Variants in COLEC10 observed in about 807,000 individuals in gnomAD.
COLEC10 encodes collectin-10.
A neutral mutation model predicts 28.4 loss-of-function variants in COLEC10; 22 were observed. That is an observed-to-expected ratio of 0.78 (90% confidence interval 0.55 to 1.11). COLEC10 has a LOEUF of 1.11. Among genes scored for constraint, COLEC10 ranks in the 50% least tolerant of loss-of-function variants. The pLI is 0.00. For missense variants in COLEC10, 361 were observed against 344.1 expected (o/e 1.05, Z -0.39); for synonymous variants, 125 against 116.1 (o/e 1.08, Z -0.49).
In COLEC10 at chr8:119,038,740, C is replaced by G. The variant is rs145916737; in HGVS notation, n.235+29187C>G. Among the ~76,000 whole-genome samples the G allele has an allele frequency of 3.2e-3, 487 of 152,236 alleles. 1 individual carries two copies. The highest frequency in any genetic ancestry group is 0.011 in the African/African-American group (451 of 41,550). ...GAAGTTCCCTCTTTTGGAACAATTGCCAGTATTTCATTCACAAGTGAACCT... is the reference window on the plus strand; with the variant it reads ...GAAGTTCCCTCTTTTGGAACAATTGGCAGTATTTCATTCACAAGTGAACCT... On this transcript the variant is annotated intron_variant and non_coding_transcript_variant, in intron 2 of 6. Coordinates refer to the COLEC10 transcript ENST00000521788.
At chr8:118,976,249 T>C in the COLEC10 span, among the ~76,000 whole-genome samples, 1 of 152,066 alleles carries the variant, frequency 6.6e-6, no homozygotes, top group East Asian at 1.9e-4. Flanking sequence ...GTTTTGAACA[T>C]TTAGTTGCAA....
At chr8:118,974,489 A>G in the COLEC10 span, among the ~76,000 whole-genome samples, 2 of 151,956 alleles carry the variant, frequency 1.3e-5, no homozygotes, top group African/African-American at 4.8e-5. Context: ...AAGGACATTC[A>G]GTTACCTTTA....
At chr8:118,999,766 T>C (rs1364274921) in intron 1 of COLEC10, among the ~76,000 whole-genome samples, 1 of 152,150 alleles carries the variant, frequency 6.6e-6, no homozygotes, top group African/African-American at 2.4e-5. Context: ...GACAAAATAT[T>C]GACCATTTGC....
chr8:119,032,171 C>A (rs1312748627), intron 2 of COLEC10, among the ~76,000 whole-genome samples: 1 of 152,176 alleles, frequency 6.6e-6, no homozygotes, highest in South Asian at 2.1e-4. Context: ...GTCTTTTACA[C>A]TCCTAACTTA....
chr8:119,079,020 C>T (rs1815312268), intron 1 of COLEC10, among the ~76,000 whole-genome samples: 2 of 151,046 alleles, frequency 1.3e-5, no homozygotes, highest in Non-Finnish European at 3.0e-5. Context: ...CACACACACA[C>T]ACACACACAC....
At chr8:119,031,495 A>C (rs1210623273) in intron 2 of COLEC10, among the ~76,000 whole-genome samples, 1 of 152,242 alleles carries the variant, frequency 6.6e-6, no homozygotes, top group Non-Finnish European at 1.5e-5. Flanking sequence ...CTGAGTCTTG[A>C]AGAACAAGTA....
At chr8:118,966,401 A>G in the COLEC10 span, among the ~76,000 whole-genome samples, 21 of 152,190 alleles carry the variant, frequency 1.4e-4, no homozygotes, top group South Asian at 2.1e-4. Context: ...CAACAACGAA[A>G]AGAATATTAC....
upstream of COLEC10, among the ~76,000 whole-genome samples, chr8:119,065,839 C>CA (rs1207561224): frequency 2.1e-5 from 3 of 143,932 alleles, no homozygotes; most frequent in Non-Finnish European, 4.5e-5. Flanking sequence ...GCCTGGGCAA[C>CA]AGCGAGACTC....
chr8:118,964,674 G>T, the COLEC10 span, among the ~76,000 whole-genome samples: 1 of 152,156 alleles, frequency 6.6e-6, no homozygotes, highest in Non-Finnish European at 1.5e-5. Context: ...ATACTTTGAT[G>T]ATTTCAATAT....
chr8:119,058,955 G>A (rs60979638), intron 2 of COLEC10, among the ~76,000 whole-genome samples: 4,777 of 152,050 alleles, frequency 0.031, 127 homozygotes, highest in African/African-American at 0.069. Context: ...ATTATGGCCA[G>A]TCTTACCTAT....
At chr8:119,032,422 GA>G (rs1814304965) in intron 2 of COLEC10, among the ~76,000 whole-genome samples, 2 of 152,158 alleles carry the variant, frequency 1.3e-5, no homozygotes, top group African/African-American at 2.4e-5. Flanking sequence ...TCACCAAAAG[GA>G]AAACAGTCAC....
chr8:119,030,876 C>T (rs1814275141), intron 2 of COLEC10, among the ~76,000 whole-genome samples: 2 of 152,112 alleles, frequency 1.3e-5, no homozygotes, highest in Non-Finnish European at 2.9e-5. Flanking sequence ...ATTATCCATC[C>T]TGTATTTTAT....
chr8:118,958,373 T>A, the COLEC10 span, among the ~76,000 whole-genome samples: 3 of 152,222 alleles, frequency 2.0e-5, no homozygotes, highest in Non-Finnish European at 2.9e-5. Context: ...CTGCTTCTGC[T>A]GGGAGGAGTT....
chr8:119,041,708 ATAT>A (rs1298169805), intron 2 of COLEC10, among the ~76,000 whole-genome samples: 1 of 152,230 alleles, frequency 6.6e-6, no homozygotes, highest in Non-Finnish European at 1.5e-5. Context: ...GACTAAATAA[ATAT>A]TATTGTTACA....
At chr8:119,102,473 T>C in intron 4 of COLEC10, 72 bp downstream of exon 4, 2 of 1,281,734 alleles carry the variant, frequency 1.6e-6, no homozygotes, top group Non-Finnish European at 2.2e-6. Context: ...AATAAATATA[T>C]TTCAAATGAA....
intron 1 of COLEC10, among the ~76,000 whole-genome samples, chr8:119,005,365 A>G (rs1181666929): frequency 6.6e-6 from 1 of 152,138 alleles, no homozygotes; most frequent in African/African-American, 2.4e-5. Context: ...ACTCAGGTAC[A>G]TTCTGAAAAT....
chr8:119,050,508 G>A (rs1050872713), intron 2 of COLEC10, among the ~76,000 whole-genome samples: 2 of 152,150 alleles, frequency 1.3e-5, no homozygotes, highest in Admixed American at 6.5e-5. Flanking sequence ...CACACTTATA[G>A]TCTGATTAAA....
At chr8:119,060,875 G>A (rs2450086) in intron 2 of COLEC10, among the ~76,000 whole-genome samples, 67,503 of 151,770 alleles carry the variant, frequency 0.44, 15,799 homozygotes, top group East Asian at 0.66. Flanking sequence ...ATATCCAGAT[G>A]TTTTATTAAA....
chr8:118,992,046 A>G (rs1813513477), upstream of COLEC10, among the ~76,000 whole-genome samples: 3 of 152,156 alleles, frequency 2.0e-5, no homozygotes, highest in South Asian at 4.1e-4. Context: ...TGCTACTTAC[A>G]TAAGAGTGTG....
Sources: allele counts gnomAD v4.1 joint callset (sites outside exome capture counted in the v4.1 genomes callset), GRCh38; gene constraint gnomAD v4.1.1; transcripts MANE v1.5; gene names NCBI Gene and HGNC (gene_info 2026-07-23, HGNC 2026-07-21).